IMMP2L: variants seen among roughly 807,000 people sequenced by gnomAD.
The protein encoded by IMMP2L is mitochondrial inner membrane protease subunit 2.
Under a neutral mutation model 19.3 loss-of-function variants are expected in IMMP2L, and 18 were observed. The observed-to-expected ratio is 0.93, with a 90% CI of 0.64 to 1.38. The LOEUF (loss-of-function observed/expected upper bound fraction) is 1.38. IMMP2L is among the 40% of genes most tolerant of loss of function. The pLI, the probability that IMMP2L is intolerant of heterozygous loss-of-function variation, is 0.00. For missense variants in IMMP2L, 233 were observed against 218.2 expected (o/e 1.07, Z -0.43); for synonymous variants, 76 against 73.0 (o/e 1.04, Z -0.21).
In IMMP2L at chr7:111,049,095, G is replaced by A. The variant is rs141628243; in HGVS notation, c.240-85530C>T. On this transcript the variant is annotated intron_variant, in intron 3 of 5. Coordinates refer to ENST00000405709, the MANE Select transcript of IMMP2L (RefSeq NM_032549.4). ...AAAGAAACTGCTCTGTTTAAGCTTAGGGCATTGATTTTTATGATACTTCTT... is the reference window on the plus strand; with the variant it reads ...AAAGAAACTGCTCTGTTTAAGCTTAAGGCATTGATTTTTATGATACTTCTT... Among the ~76,000 whole-genome samples, 493 of 148,058 alleles carry A rather than the reference G, an allele frequency of 3.3e-3. 4 individuals carry two copies. Among genetic ancestry groups the A allele is most frequent in the African/African-American group, 0.012 (466 of 40,324 alleles).
chr7:111,217,126 T>A (rs11974549), intron 3 of IMMP2L, among the ~76,000 whole-genome samples: 85,608 of 123,190 alleles, frequency 0.69, 28,641 homozygotes, highest in African/African-American at 0.72. Flanking sequence ...TCTCTCTCTC[T>A]CACACACACA....
chr7:111,084,300 TAAAAAAA>T lies in IMMP2L; in HGVS notation c.240-120742_240-120736del, dbSNP rs56331509. 2.3e-5 allele frequency among the ~76,000 whole-genome samples: 3 copies of T among 128,940 alleles called. No individual in the cohort carries two copies. In the East Asian group the frequency reaches 6.6e-4, roughly 28 times the overall value. 84.6% of individuals were successfully genotyped at this position (128,940 alleles called of 152,430 possible). A position where few individuals can be genotyped will look rare whatever the true frequency, so the allele number is the denominator to read the frequency against. The stretch of plus-strand genomic sequence containing the variant: ...AACGAGGCAGCAGCAGAAATAAAAT[TAAAAAAA>T]AAAAAAAAAAAGAAAGGAAAAAAGA... On this transcript the variant is annotated intron_variant, in intron 3 of 5. Transcript: ENST00000405709.
intron 4 of IMMP2L, among the ~76,000 whole-genome samples, chr7:110,947,528 C>G (rs2129553704): frequency 6.6e-6 from 1 of 152,260 alleles, no homozygotes; most frequent in Middle Eastern, 3.4e-3. Context: ...AAACCAAATT[C>G]TAATCTGTTC....
intron 3 of IMMP2L, among the ~76,000 whole-genome samples, chr7:111,280,885 C>T (rs1325173946): frequency 1.3e-5 from 2 of 151,680 alleles, no homozygotes; most frequent in African/African-American, 2.4e-5. Context: ...CTGTCTAACA[C>T]GGTGAAACCC....
rs150893403 is a variant in IMMP2L, at chr7:111,549,028, C to T, written c.-3+12823G>A. Among the ~76,000 whole-genome samples, 409 of 152,146 alleles carry T rather than the reference C, an allele frequency of 2.7e-3. 6 individuals carry two copies. The highest frequency in any genetic ancestry group is 9.3e-3 in the African/African-American group (386 of 41,516). On this transcript the variant is annotated intron_variant, in intron 1 of 5. Transcript: ENST00000405709. ...GACCCAAGCACACAATGAGAATATCCCAAAGGGTATACCTTTCAGAAGAAG... is the reference window on the plus strand; with the variant it reads ...GACCCAAGCACACAATGAGAATATCTCAAAGGGTATACCTTTCAGAAGAAG...
At chr7:111,015,597 T>A (rs541409064) in intron 3 of IMMP2L, among the ~76,000 whole-genome samples, 1 of 152,124 alleles carries the variant, frequency 6.6e-6, no homozygotes, top group Non-Finnish European at 1.5e-5. Context: ...ATTGTTTGAG[T>A]CTATCTACAT....
intron 4 of IMMP2L, among the ~76,000 whole-genome samples, chr7:110,891,042 T>C (rs908467407): frequency 7.2e-5 from 11 of 152,030 alleles, no homozygotes; most frequent in African/African-American, 2.4e-4. Flanking sequence ...GGTATTCTTA[T>C]TTCTTTATTT....
chr7:110,699,234 C>T (rs1041725287), intron 5 of IMMP2L, among the ~76,000 whole-genome samples: 1 of 152,180 alleles, frequency 6.6e-6, no homozygotes, highest in Non-Finnish European at 1.5e-5. Context: ...CTGCCCTAGA[C>T]TATGTGACAA....
intron 5 of IMMP2L, among the ~76,000 whole-genome samples, chr7:110,779,256 T>C (rs1174215762): frequency 7.5e-6 from 1 of 133,546 alleles, no homozygotes; most frequent in African/African-American, 2.9e-5. Context: ...CTAGTTATTC[T>C]TATAGCTTTT....
intron 3 of IMMP2L, among the ~76,000 whole-genome samples, chr7:111,279,541 G>C (rs1819470349): frequency 6.6e-6 from 1 of 152,086 alleles, no homozygotes; most frequent in African/African-American, 2.4e-5. Context: ...GAGATCCTAA[G>C]TGAATTACGA....
intron 5 of IMMP2L, among the ~76,000 whole-genome samples, chr7:110,762,652 G>A (rs1419206459): frequency 6.6e-6 from 1 of 152,104 alleles, no homozygotes; most frequent in Non-Finnish European, 1.5e-5. Flanking sequence ...AGAGGTCAGA[G>A]GCAGGCTGCT....
chr7:110,915,856 A>G (rs1813552307), intron 4 of IMMP2L, among the ~76,000 whole-genome samples: 2 of 152,214 alleles, frequency 1.3e-5, no homozygotes, highest in Admixed American at 6.5e-5. Flanking sequence ...ATAAGGATGA[A>G]AAAGTTAACA....
intron 3 of IMMP2L, among the ~76,000 whole-genome samples, chr7:111,135,350 A>G (rs1286305402): frequency 6.6e-6 from 1 of 152,140 alleles, no homozygotes; most frequent in African/African-American, 2.4e-5. Context: ...ACCTTGATGA[A>G]TTATTGGTCA....
chr7:111,241,640 G>C (rs903868759), intron 3 of IMMP2L, among the ~76,000 whole-genome samples: 1 of 151,668 alleles, frequency 6.6e-6, no homozygotes, highest in African/African-American at 2.4e-5. Flanking sequence ...TTGTAGTTAA[G>C]TACCAAGGGT....
At chr7:111,160,403 C>T (rs981509236) in intron 3 of IMMP2L, among the ~76,000 whole-genome samples, 12 of 151,986 alleles carry the variant, frequency 7.9e-5, no homozygotes, top group Non-Finnish European at 1.5e-5. Context: ...CTATAGATCA[C>T]ATATGCAGTT....
chr7:111,519,299 T>C (rs892063038), intron 2 of IMMP2L, among the ~76,000 whole-genome samples: 4 of 152,170 alleles, frequency 2.6e-5, no homozygotes, highest in African/African-American at 4.8e-5. Context: ...GTCCTGGCTC[T>C]AGTTGTCCCT....
chr7:111,305,428 A>G (rs1822761059), intron 3 of IMMP2L, among the ~76,000 whole-genome samples: 1 of 152,076 alleles, frequency 6.6e-6, no homozygotes, highest in Admixed American at 6.6e-5. Flanking sequence ...TCCCAAGTTC[A>G]AGTGATTCTC....
At chr7:111,030,197 GA>G (rs1190287912) in intron 3 of IMMP2L, among the ~76,000 whole-genome samples, 16 of 151,934 alleles carry the variant, frequency 1.1e-4, no homozygotes, top group Non-Finnish European at 4.4e-5. Flanking sequence ...ATCACTAGCA[GA>G]AAATCAGACC....
intron 2 of IMMP2L, among the ~76,000 whole-genome samples, chr7:111,498,092 T>C (rs1843766656): frequency 6.6e-6 from 1 of 152,050 alleles, no homozygotes. Context: ...CTAATATTTT[T>C]AAAGTTTGTG....
Sources: allele counts gnomAD v4.1 joint callset (sites outside exome capture counted in the v4.1 genomes callset), GRCh38; gene constraint gnomAD v4.1.1; transcripts MANE v1.5; gene names NCBI Gene and HGNC (gene_info 2026-07-23, HGNC 2026-07-21).